The following ALDH8A1 variants were observed in gnomAD, a reference collection of about 807,000 sequenced individuals.
ALDH8A1 encodes the protein aldehyde dehydrogenase 8 family member A1, also known as 2-aminomuconic semialdehyde dehydrogenase.
Under a neutral mutation model 43.3 loss-of-function variants are expected in ALDH8A1, and 39 were observed. The observed-to-expected ratio is 0.90, with a 90% CI of 0.70 to 1.18. The LOEUF (loss-of-function observed/expected upper bound fraction) is 1.18, where lower values mean the gene tolerates loss of function less well. ALDH8A1 is among the 50% of genes most tolerant of loss of function. The pLI is 0.00. For synonymous variants in ALDH8A1, 233 were observed against 243.5 expected, an observed-to-expected ratio of 0.96 and a Z score of 0.40; for missense variants, 605 against 622.6, an observed-to-expected ratio of 0.97 and a Z score of 0.30.
Position 134,929,147 on chromosome 6 carries a change from T to C in ALDH8A1, c.918A>G (p.Arg306=). The change falls in exon 6 of 7, where the codon AGA becomes AGG. Residue 306 remains arginine (R), a synonymous_variant. Transcript: ENST00000265605. The part of the protein sequence containing the change: ...QKSIYSEFLK[R]FVEATRKWKV... Reference sequence around the variant, plus strand: ...TCCACTTTCTGGTAGCTTCTACAAATCTCTTTAAAAATTCACTATAGATGC... The same window carrying C: ...TCCACTTTCTGGTAGCTTCTACAAACCTCTTTAAAAATTCACTATAGATGC... 1 of 1,614,114 alleles carries C rather than the reference T, an allele frequency of 6.2e-7. No individual in the cohort carries two copies. Among genetic ancestry groups the C allele is most frequent in the Non-Finnish European group, 8.5e-7 (1 of 1,180,002 alleles).
intron 6 of ALDH8A1, among the ~76,000 whole-genome samples, chr6:134,925,822 C>T (rs1212162884): frequency 6.6e-6 from 1 of 152,078 alleles, no homozygotes; most frequent in Non-Finnish European, 1.5e-5. Flanking sequence ...GGCAGGAAAG[C>T]CCTCATTCAG....
intron 3 of ALDH8A1, among the ~76,000 whole-genome samples, chr6:134,939,868 T>C (rs1773822158): frequency 6.6e-6 from 1 of 152,162 alleles, no homozygotes; most frequent in Admixed American, 6.5e-5. Context: ...GTGGTACATA[T>C]ACACAATGGA....
intron 4 of ALDH8A1, among the ~76,000 whole-genome samples, chr6:134,933,450 G>T (rs886108051): frequency 2.0e-5 from 3 of 152,146 alleles, no homozygotes; most frequent in Non-Finnish European, 4.4e-5. Context: ...TAAGTAGAGA[G>T]GTGTATACAT....
chr6:134,929,487 T>G (rs1776944292), intron 5 of ALDH8A1, among the ~76,000 whole-genome samples: 1 of 152,192 alleles, frequency 6.6e-6, no homozygotes, highest in African/African-American at 2.4e-5. Context: ...GGCAACTGAT[T>G]GCATGGGGAG....
Position 134,932,761 on chromosome 6 carries a change from C to G in ALDH8A1, c.849+15G>C. 2 of 1,611,534 alleles carry G rather than the reference C, an allele frequency of 1.2e-6. No individual in the cohort carries two copies. ...GGGCCATGGAGGGGAGGGAGAAGAACCCCCGGGGACATACCTGGTTGGCAA... is the reference window on the plus strand; with the variant it reads ...GGGCCATGGAGGGGAGGGAGAAGAAGCCCCGGGGACATACCTGGTTGGCAA... On this transcript the variant is annotated intron_variant, in intron 5 of 6. Coordinates refer to ENST00000265605, the MANE Select transcript of ALDH8A1 (RefSeq NM_022568.4).
rs1468035673 is a variant in ALDH8A1, at chr6:134,943,973, G to A, written c.139-7C>T. On this transcript the variant is annotated splice_region_variant and splice_polypyrimidine_tract_variant and intron_variant, in intron 1 of 6. Transcript: ENST00000265605. Reference sequence around the variant, plus strand: ...CCTTGACCGCGGCTTCGATCTTTGAGGAGCAAATGGGAGAAAGGGTCACCT... The same window carrying A: ...CCTTGACCGCGGCTTCGATCTTTGAAGAGCAAATGGGAGAAAGGGTCACCT... 1 of 1,612,562 alleles carries A rather than the reference G, an allele frequency of 6.2e-7. No individual in the cohort carries two copies. The highest frequency in any genetic ancestry group is 1.1e-5 in the South Asian group (1 of 90,778).
Position 134,917,677 on chromosome 6 carries a change from T to C in ALDH8A1, c.*738A>G, listed in dbSNP as rs1463127392. 3 of 152,224 alleles carry C rather than the reference T, an allele frequency of 2.0e-5. No individual in the cohort carries two copies. The highest frequency in any genetic ancestry group is 2.0e-4 in the Admixed American group (3 of 15,280). 9.4% of individuals were successfully genotyped at this position (152,224 alleles called of 1,614,324 possible). A position where few individuals can be genotyped will look rare whatever the true frequency, so the allele number is the denominator to read the frequency against. On this transcript the variant is annotated 3_prime_UTR_variant, in exon 7 of 7. Coordinates refer to ENST00000265605, the MANE Select transcript of ALDH8A1 (RefSeq NM_022568.4). ...GTAATGAGGTCCAATCAATGATCAA[T>C]TAGCCATGCTAGTGGCTAATAGACA...
intron 6 of ALDH8A1, among the ~76,000 whole-genome samples, chr6:134,925,244 A>T (rs1776864357): frequency 6.6e-6 from 1 of 152,214 alleles, no homozygotes. Context: ...TGTACCAATG[A>T]TGAAGAGTTA....
chr6:134,938,486 G>A (rs887284513), intron 4 of ALDH8A1, among the ~76,000 whole-genome samples: 1 of 152,150 alleles, frequency 6.6e-6, no homozygotes, highest in African/African-American at 2.4e-5. Flanking sequence ...CCAAAGGCAG[G>A]AAAAACTGAA....
At chr6:134,922,102 C>T (rs1336359030) in intron 6 of ALDH8A1, among the ~76,000 whole-genome samples, 9 of 152,106 alleles carry the variant, frequency 5.9e-5, no homozygotes, top group Admixed American at 5.9e-4. Context: ...GCTCAGTGAT[C>T]CTCTAAGCCA....
At chr6:134,949,450 C>CA (rs1774005844) in intron 1 of ALDH8A1, among the ~76,000 whole-genome samples, 1 of 152,146 alleles carries the variant, frequency 6.6e-6, no homozygotes, top group African/African-American at 2.4e-5. Flanking sequence ...ATTTTGAAGA[C>CA]ATGACAAATT....
intron 5 of ALDH8A1, among the ~76,000 whole-genome samples, chr6:134,929,788 G>T (rs1776950487): frequency 6.6e-6 from 1 of 152,152 alleles, no homozygotes; most frequent in Non-Finnish European, 1.5e-5. Context: ...TTCATAAAGA[G>T]ATTACGTTTT....
chr6:134,925,463 T>C (rs1376592255), intron 6 of ALDH8A1, among the ~76,000 whole-genome samples: 1 of 152,190 alleles, frequency 6.6e-6, no homozygotes, highest in Non-Finnish European at 1.5e-5. Context: ...CCAGGACCTG[T>C]GCATTTTGGA....
chr6:134,932,925 G>T lies in ALDH8A1; in HGVS notation c.700C>A (p.Pro234Thr). Residue 234 changes from proline to threonine, a missense_variant, in exon 5 of 7, where the codon CCC (proline) becomes ACC (threonine). Coordinates refer to ENST00000265605, the MANE Select transcript of ALDH8A1 (RefSeq NM_022568.4). The stretch of plus-strand genomic sequence containing the variant: ...AGCTGGGTGATCCGCTCAGCGGTGG[G>T]CTGGCTCCCGGTGAAGGAGATCAGG... The part of the protein sequence containing the change: ...VPLISFTGSQ[P>T]TAERITQLSA... The T allele has an allele frequency of 6.2e-7, 1 of 1,614,144 alleles. No individual in the cohort carries two copies. The highest frequency in any genetic ancestry group is 8.5e-7 in the Non-Finnish European group (1 of 1,180,034).
Position 134,922,345 on chromosome 6 carries a change from A to G in ALDH8A1, c.1012-3478T>C, listed in dbSNP as rs556314216. ...TGCCTTGAAAAACTTGGCTGCTGATAAGTACCATTTTCAAGTTTTCAACAG... is the reference window on the plus strand; with the variant it reads ...TGCCTTGAAAAACTTGGCTGCTGATGAGTACCATTTTCAAGTTTTCAACAG... On this transcript the variant is annotated intron_variant, in intron 6 of 6. Transcript: ENST00000265605. 1.3e-4 allele frequency among the ~76,000 whole-genome samples: 20 copies of G among 152,314 alleles called. No individual in the cohort carries two copies. The South Asian group carries it at 4.1e-3, about 32-fold the overall frequency.
chr6:134,924,958 G>T (rs1776860699), intron 6 of ALDH8A1, among the ~76,000 whole-genome samples: 1 of 152,080 alleles, frequency 6.6e-6, no homozygotes. Flanking sequence ...GAAATATCTT[G>T]GTACCTTTTT....
At chr6:134,943,733 G>A in intron 2 of ALDH8A1, 86 bp downstream of exon 2, 2 of 1,536,788 alleles carry the variant, frequency 1.3e-6, no homozygotes, top group Non-Finnish European at 1.8e-6. Context: ...GCAGGCACAT[G>A]GGCTGGCCTG....
intron 6 of ALDH8A1, among the ~76,000 whole-genome samples, chr6:134,922,916 G>A (rs972853827): frequency 6.6e-6 from 1 of 152,196 alleles, no homozygotes; most frequent in African/African-American, 2.4e-5. Flanking sequence ...ATGAACAGAT[G>A]TACCTTAGGA....
intron 4 of ALDH8A1, among the ~76,000 whole-genome samples, chr6:134,935,591 TC>T (rs1562256371): frequency 1.3e-5 from 2 of 152,170 alleles, no homozygotes; most frequent in Admixed American, 6.5e-5. Flanking sequence ...CAGAGTTTAT[TC>T]CCTCTATTTC....
Sources: allele counts gnomAD v4.1 joint callset (sites outside exome capture counted in the v4.1 genomes callset), GRCh38; gene constraint gnomAD v4.1.1; transcripts MANE v1.5; gene names NCBI Gene and HGNC (gene_info 2026-07-23, HGNC 2026-07-21).